Variants in KCNQ5 observed in about 807,000 individuals in gnomAD.
KCNQ5 encodes the protein potassium voltage-gated channel subfamily KQT member 5.
In KCNQ5, 30 loss-of-function variants were observed where a neutral mutation model predicts 98.2. That is an observed-to-expected ratio of 0.31 (90% CI 0.23 to 0.41). The LOEUF is 0.41. Among genes scored for constraint, KCNQ5 ranks in the 10% least tolerant of loss-of-function variants. The pLI is 1.00. For synonymous variants in KCNQ5, 458 were observed against 449.4 expected, an observed-to-expected ratio of 1.02 and a Z score of -0.24; for missense variants, 835 against 1,182.5, an observed-to-expected ratio of 0.71 and a Z score of 4.31.
At chr6:73,175,395 C>A (rs948380443) in intron 11 of KCNQ5, among the ~76,000 whole-genome samples, 3 of 107,006 alleles carry the variant, frequency 2.8e-5, no homozygotes, top group African/African-American at 8.0e-5. Flanking sequence ...GGTGATCTGC[C>A]CCCCCCTTGG....
chr6:72,918,466 G>A (rs536831201), intron 1 of KCNQ5, among the ~76,000 whole-genome samples: 29 of 151,826 alleles, frequency 1.9e-4, no homozygotes, highest in Non-Finnish European at 3.8e-4. Context: ...TTTTGTGAAC[G>A]TGTCTCAAGA....
chr6:72,974,659 TTA>T (rs1388400052), intron 1 of KCNQ5, among the ~76,000 whole-genome samples: 1 of 152,080 alleles, frequency 6.6e-6, no homozygotes, highest in Non-Finnish European at 1.5e-5. Flanking sequence ...GAAAACTGAG[TTA>T]TGTTTCTCTT....
intron 2 of KCNQ5, among the ~76,000 whole-genome samples, chr6:73,029,932 T>C (rs868693087): frequency 4.2e-5 from 6 of 141,336 alleles, no homozygotes; most frequent in African/African-American, 1.6e-4. Context: ...AAAAAGAGTA[T>C]ACTTGATTTA....
At chr6:72,728,136 A>G (rs901722692) in intron 1 of KCNQ5, among the ~76,000 whole-genome samples, 10 of 152,382 alleles carry the variant, frequency 6.6e-5, no homozygotes, top group African/African-American at 2.2e-4. Context: ...ATGCAAAGTC[A>G]TATAACATAT....
rs1401677142 is a variant in KCNQ5 at position 72,871,110 on chromosome 6, T to A, written c.399-132798T>A. Among the ~76,000 whole-genome samples, 6 of 152,322 alleles carry A rather than the reference T, an allele frequency of 3.9e-5. No individual in the cohort carries two copies. The East Asian group carries it at 9.6e-4, about 24-fold the overall frequency. ...TTGAGCATCCTCTATGCCCCAGTCC[T>A]GCGTACTCTGCCCACTGCCTCAATA... On this transcript the variant is annotated intron_variant, in intron 1 of 13. Coordinates refer to ENST00000370398, the MANE Select transcript of KCNQ5 (RefSeq NM_019842.4).
chr6:73,157,019 G>A (rs1206681697), intron 10 of KCNQ5, among the ~76,000 whole-genome samples: 1 of 152,200 alleles, frequency 6.6e-6, no homozygotes, highest in Non-Finnish European at 1.5e-5. Flanking sequence ...GTGGGTGCAG[G>A]GGCGAGGCGA....
At chr6:72,885,457 T>C (rs780662122) in intron 1 of KCNQ5, among the ~76,000 whole-genome samples, 1 of 152,160 alleles carries the variant, frequency 6.6e-6, no homozygotes, top group Non-Finnish European at 1.5e-5. Context: ...AGACACTCTC[T>C]CTAAAAAGAA....
chr6:72,846,460 C>A (rs2150137968), intron 1 of KCNQ5, among the ~76,000 whole-genome samples: 1 of 151,870 alleles, frequency 6.6e-6, no homozygotes, highest in Non-Finnish European at 1.5e-5. Context: ...GATTGCTTGA[C>A]CTCAGGAGTT....
chr6:72,980,625 A>G (rs1295391512), intron 1 of KCNQ5, among the ~76,000 whole-genome samples: 2 of 152,194 alleles, frequency 1.3e-5, no homozygotes, highest in African/African-American at 2.4e-5. Flanking sequence ...ACAAACAGCG[A>G]CAATTTGACT....
intron 1 of KCNQ5, among the ~76,000 whole-genome samples, chr6:72,869,809 G>A (rs1255468124): frequency 1.3e-5 from 2 of 152,168 alleles, no homozygotes; most frequent in East Asian, 1.9e-4. Flanking sequence ...GCCCAGTGTC[G>A]GGTCAAAGCT....
chr6:72,764,194 A>C (rs1415264225), intron 1 of KCNQ5, among the ~76,000 whole-genome samples: 1 of 152,032 alleles, frequency 6.6e-6, no homozygotes, highest in Non-Finnish European at 1.5e-5. Flanking sequence ...TGTTAGTTTA[A>C]TTGTAAAATT....
intron 1 of KCNQ5, among the ~76,000 whole-genome samples, chr6:72,819,751 A>G (rs1343353527): frequency 6.6e-6 from 1 of 152,084 alleles, no homozygotes; most frequent in African/African-American, 2.4e-5. Context: ...CACTGGAGTA[A>G]TTTCTCACCT....
intron 3 of KCNQ5, among the ~76,000 whole-genome samples, chr6:73,050,497 C>A (rs980244294): frequency 4.6e-5 from 7 of 152,076 alleles, no homozygotes; most frequent in Non-Finnish European, 8.8e-5. Context: ...TAACTTTCCC[C>A]AAAATATTTT....
chr6:73,083,737 G>A (rs961766920), intron 5 of KCNQ5, among the ~76,000 whole-genome samples: 9 of 152,158 alleles, frequency 5.9e-5, no homozygotes, highest in Admixed American at 5.2e-4. Context: ...ACTTCTCTGT[G>A]TATTCTCATG....
rs186528101 is a variant in KCNQ5 at position 72,966,720 on chromosome 6, C to G, written c.399-37188C>G. 1.2e-4 allele frequency among the ~76,000 whole-genome samples: 18 copies of G among 152,284 alleles called. 1 individual carries two copies. Among genetic ancestry groups the G allele is most frequent in the Admixed American group, 7.8e-4 (12 of 15,298 alleles). ...CATGGGTTCAATTTAAAATCCATGACTGGATCATGAGCAGGGCAAAGTGAG... is the reference window on the plus strand; with the variant it reads ...CATGGGTTCAATTTAAAATCCATGAGTGGATCATGAGCAGGGCAAAGTGAG... On this transcript the variant is annotated intron_variant, in intron 1 of 13. Transcript: ENST00000370398.
chr6:72,982,506 T>G (rs1201641374), intron 1 of KCNQ5, among the ~76,000 whole-genome samples: 2 of 148,234 alleles, frequency 1.3e-5, no homozygotes, highest in African/African-American at 2.5e-5. Context: ...TTTTTTTTTT[T>G]TTTGCTTTCC....
intron 1 of KCNQ5, among the ~76,000 whole-genome samples, chr6:72,761,340 T>C (rs1772260531): frequency 6.6e-6 from 1 of 152,060 alleles, no homozygotes; most frequent in African/African-American, 2.4e-5. Context: ...TACAATAGAA[T>C]TCTAAAGGTA....
At chr6:73,163,192 C>T (rs1777677191) in intron 10 of KCNQ5, among the ~76,000 whole-genome samples, 1 of 151,876 alleles carries the variant, frequency 6.6e-6, no homozygotes, top group African/African-American at 2.4e-5. Flanking sequence ...AGTTCAAGAC[C>T]AGCCTGGGCA....
chr6:72,633,757 A>T (rs892388776), intron 1 of KCNQ5, among the ~76,000 whole-genome samples: 5 of 152,218 alleles, frequency 3.3e-5, no homozygotes, highest in Non-Finnish European at 5.9e-5. Context: ...GATCTTCAAT[A>T]AGGCCAACAA....
Sources: allele counts gnomAD v4.1 joint callset (sites outside exome capture counted in the v4.1 genomes callset), GRCh38; gene constraint gnomAD v4.1.1; transcripts MANE v1.5; gene names NCBI Gene and HGNC (gene_info 2026-07-23, HGNC 2026-07-21).